Variants in SEC16A observed in about 807,000 individuals in gnomAD.
SEC16A encodes the protein protein transport protein Sec16A.
SEC16A carries 110 observed loss-of-function variants against 221.9 expected under a neutral mutation model. That is an observed-to-expected ratio of 0.50 (90% CI 0.42 to 0.58). The LOEUF (loss-of-function observed/expected upper bound fraction) is 0.58, where lower values mean the gene tolerates loss of function less well. SEC16A is among the 20% of genes least tolerant of loss of function. SEC16A has a pLI of 0.00. For synonymous variants in SEC16A, 1,393 were observed against 1,257.7 expected, an observed-to-expected ratio of 1.11 and a Z score of -2.28; for missense variants, 3,165 against 3,097.8, an observed-to-expected ratio of 1.02 and a Z score of -0.52.
chr9:136,445,193 T>C, intron 29 of SEC16A, 82 bp from the exon 30 acceptor site: 1 of 1,220,842 alleles, frequency 8.2e-7, no homozygotes, highest in Non-Finnish European at 1.2e-6. Flanking sequence ...GTCAGTTCCA[T>C]TTCAAAAGCT....
rs765280202 is a variant in SEC16A, at chr9:136,466,142, A to G, written c.4129-6T>C. ...TGGCTTCTGTAAATCTGACTCTTAG[A>G]AAACAAAGCAAACGGGCAAAATCAA... On this transcript the variant is annotated splice_region_variant and splice_polypyrimidine_tract_variant and intron_variant, in intron 7 of 31. Coordinates refer to ENST00000684901, the MANE Select transcript of SEC16A (RefSeq NM_014866.2). The surrounding 1 kb of genome is among the most constrained non-coding windows in gnomAD (Gnocchi z 5.5). 3 of 1,582,154 alleles carry G rather than the reference A, an allele frequency of 1.9e-6. No homozygotes were observed. Among genetic ancestry groups the G allele is most frequent in the South Asian group, 1.1e-5 (1 of 87,570 alleles).
rs375402830 is a variant in SEC16A at position 136,457,490 on chromosome 9, G to A, written c.5504C>T (p.Thr1835Met). The A allele has an allele frequency of 8.0e-5, 129 of 1,608,996 alleles. 1 individual carries two copies. In the South Asian group the frequency reaches 1.2e-3, roughly 16 times the overall value. Residue 1835 changes from threonine (T) to methionine (M), a missense_variant, in exon 18 of 32, where the codon ACG (threonine) becomes ATG (methionine). Physicochemically the swap from Thr to Met is moderately conservative, Grantham distance 81 (BLOSUM62 -1). Transcript: ENST00000684901. ...CACCGGGGAATACAGGTGCGGCTGC[G>A]TCAGGATGCTCTTCGCGATGGCCTC... ...YCEAIAKSILTQPHLYSPVLI... is the reference protein window; with the variant it reads ...YCEAIAKSILMQPHLYSPVLI...
At chr9:136,478,934 T>G (rs1197990295) in intron 1 of SEC16A, among the ~76,000 whole-genome samples, 104 bp from the exon 2 acceptor site, 1 of 149,298 alleles carries the variant, frequency 6.7e-6, no homozygotes, top group Non-Finnish European at 1.5e-5. Context: ...CACCTCTTCA[T>G]AGGTCTCCGT....
chr9:136,468,084 T>C (rs1290556151), intron 5 of SEC16A, among the ~76,000 whole-genome samples: 1 of 152,192 alleles, frequency 6.6e-6, no homozygotes, highest in African/African-American at 2.4e-5. Context: ...TTTTCATCCG[T>C]TTATGTTTAC....
chr9:136,475,283 G>C lies in SEC16A; in HGVS notation c.2333C>G (p.Pro778Arg). 6.2e-7 allele frequency: 1 copy of C among 1,613,382 alleles called. No individual in the cohort carries two copies. The highest frequency in any genetic ancestry group is 1.1e-5 in the South Asian group (1 of 91,068). Residue 778 changes from proline to arginine, a missense_variant, in exon 3 of 32, where the codon CCG becomes CGG. By Grantham distance (103) the Pro-to-Arg change is moderately radical. Transcript: ENST00000684901. The surrounding 1 kb of genome is among the most constrained non-coding windows in gnomAD (Gnocchi z 5.0). Reference sequence around the variant, plus strand: ...ACCAATGCCACCTCGGCTCTGCACCGGGGCCGCCGAGCTTGGGTTCCGTGA... The same window carrying C: ...ACCAATGCCACCTCGGCTCTGCACCCGGGCCGCCGAGCTTGGGTTCCGTGA... ...QQSRNPSSAA[P>R]VQSRGGIGAS... is the part of the protein sequence containing the mutation.
Position 136,477,672 on chromosome 9 carries a change from T to G in SEC16A, c.-57A>C. The G allele has an allele frequency of 6.7e-7, 1 of 1,492,782 alleles. No individual in the cohort carries two copies. The highest frequency in any genetic ancestry group is 8.9e-7 in the Non-Finnish European group (1 of 1,125,376). The allele number at this position is 1,492,782 out of a possible 1,614,324, so 92.5% of individuals were successfully genotyped here. A position where few individuals can be genotyped will look rare whatever the true frequency, so the allele number is the denominator to read the frequency against. On this transcript the variant is annotated 5_prime_UTR_variant, in exon 3 of 32. Transcript: ENST00000684901. ...ACAGAAGGAAGCAGGATATAGCTGT[T>G]CCTTAATTGGAGCTGGAAAAGAAAA...
Position 136,474,943 on chromosome 9 carries a change from G to C in SEC16A, c.2673C>G (p.Ser891Arg). The change falls in exon 3 of 32, where the codon AGC becomes AGG. Residue 891 changes from serine to arginine, a missense_variant. Ser to Arg is a moderately radical substitution (Grantham distance 110). Around this residue, in one of 3 missense-constraint regions of SEC16A, gnomAD observed 2,030 missense variants for 1,923.1 expected, o/e 1.06. Transcript: ENST00000684901. ...TAGGCAGAGACAAGCTAAGGACAGA[G>C]CTGGTTGGAATCCCAGACAAAGAAG... ...ENTSLSGIPT[S>R]SVLSLSLPSS... The C allele has an allele frequency of 6.2e-7, 1 of 1,613,882 alleles. No homozygotes were observed. Among genetic ancestry groups the C allele is most frequent in the Non-Finnish European group, 8.5e-7 (1 of 1,179,884 alleles).
intron 1 of SEC16A, among the ~76,000 whole-genome samples, chr9:136,479,352 T>A (rs1265881223): frequency 6.6e-6 from 1 of 152,112 alleles, no homozygotes; most frequent in African/African-American, 2.4e-5. Context: ...TGTAGTTTAA[T>A]CCACACATTT....
chr9:136,466,280 C>G lies in SEC16A; in HGVS notation c.4112G>C (p.Ser1371Thr). 1.3e-6 allele frequency: 2 copies of G among 1,578,354 alleles called. No individual in the cohort carries two copies. Among genetic ancestry groups the G allele is most frequent in the Non-Finnish European group, 1.7e-6 (2 of 1,161,950 alleles). ...GCCGCGTACCTGGTGCGAGTGGGAG[C>G]TGAGGCTGCTGCGGCGGCTGGCCAG... ...HSLASRRSSL[S>T]SHSHQSQIYR... The change falls in exon 7 of 32, where the codon AGC becomes ACC. Residue 1371 changes from serine (S) to threonine (T), a missense_variant. Physicochemically the swap from Ser to Thr is moderately conservative, Grantham distance 58 (BLOSUM62 1). Coordinates refer to ENST00000684901, the MANE Select transcript of SEC16A (RefSeq NM_014866.2). This position sits in a 1 kb window ranked among gnomAD's most constrained non-coding sequence, Gnocchi z 5.5.
At chr9:136,471,072 C>T (rs752781028) in intron 4 of SEC16A, among the ~76,000 whole-genome samples, 8 of 152,002 alleles carry the variant, frequency 5.3e-5, no homozygotes, top group Non-Finnish European at 1.2e-4. Context: ...TAAAGGGCTA[C>T]TCAGCTGAAG....
At chr9:136,458,965 G>A (rs887986027) in intron 17 of SEC16A, among the ~76,000 whole-genome samples, 169 bp downstream of exon 17, 7 of 152,064 alleles carry the variant, frequency 4.6e-5, no homozygotes, top group African/African-American at 1.7e-4. Context: ...TCAATTCAAT[G>A]GGATCTTGTT....
rs1469899095 is a variant in SEC16A at position 136,460,024 on chromosome 9, C to G, written c.5073+18G>C. 6.3e-7 allele frequency: 1 copy of G among 1,590,922 alleles called. No individual in the cohort carries two copies. Among genetic ancestry groups the G allele is most frequent in the Non-Finnish European group, 8.6e-7 (1 of 1,167,478 alleles). On this transcript the variant is annotated intron_variant, in intron 14 of 31. Coordinates refer to ENST00000684901, the MANE Select transcript of SEC16A (RefSeq NM_014866.2). ...CAGGCAGTGGAGCCTGTGCAAGCCA[C>G]CAGGCAGTGCCACTCACCGTGGACG...
Position 136,466,358 on chromosome 9 carries a change from C to G in SEC16A, c.4034G>C (p.Arg1345Pro). 1.3e-6 allele frequency: 2 copies of G among 1,589,318 alleles called. No individual in the cohort carries two copies. Among genetic ancestry groups the G allele is most frequent in the Non-Finnish European group, 1.7e-6 (2 of 1,168,172 alleles). Residue 1345 changes from arginine to proline, a missense_variant, in exon 7 of 32, where the codon CGG becomes CCG. This residue lies in a region of SEC16A where 2,030 missense variants were observed against 1,923.1 expected (regional missense o/e 1.06). Transcript: ENST00000684901. The surrounding 1 kb of genome is among the most constrained non-coding windows in gnomAD (Gnocchi z 5.5). ...HRDPYGEEVD[R>P]RSVHSEHSAR... is the part of the protein sequence containing the mutation. ...CGAGTGCTCGCTGTGGACGCTGCGC[C>G]GGTCCACCTCTTCCCCATAAGGGTC...
chr9:136,447,278 C>T lies in SEC16A; in HGVS notation c.6646G>A (p.Ala2216Thr), dbSNP rs535521645. ...GGAATTGGGAGTGGCGCGAGTGGAG[C>T]GACAAAGTCCGCAGGAGCGAGAGCC... is the stretch of plus-strand genomic sequence containing the variant. ...EPALAPADFV[A>T]PLAPLPIPSN... is the part of the protein sequence containing the mutation. Residue 2216 changes from alanine to threonine, a missense_variant, in exon 27 of 32, where the codon GCT becomes ACT. This residue lies in a region of SEC16A where 1,088 missense variants were observed against 1,089.6 expected (regional missense o/e 1.00). Transcript: ENST00000684901. The surrounding 1 kb of genome is among the most constrained non-coding windows in gnomAD (Gnocchi z 5.5). 1.1e-5 allele frequency: 18 copies of T among 1,598,064 alleles called. No homozygotes were observed. The Admixed American group carries it at 1.6e-4, about 14-fold the overall frequency.
rs1446615852 is a variant in SEC16A at position 136,455,799 on chromosome 9, G to A, written c.5665-6C>T. ...TGCCATACTCCAGCCCCCTCCTGAGGGAGAACAAGACCTGCCCTGTGGAAG... is the reference window on the plus strand; with the variant it reads ...TGCCATACTCCAGCCCCCTCCTGAGAGAGAACAAGACCTGCCCTGTGGAAG... On this transcript the variant is annotated splice_region_variant and splice_polypyrimidine_tract_variant and intron_variant, in intron 19 of 31. Coordinates refer to ENST00000684901, the MANE Select transcript of SEC16A (RefSeq NM_014866.2). 7 of 1,591,422 alleles carry A rather than the reference G, an allele frequency of 4.4e-6. No individual in the cohort carries two copies. The highest frequency in any genetic ancestry group is 2.7e-5 in the African/African-American group (2 of 74,338).
Position 136,463,511 on chromosome 9 carries a change from A to G in SEC16A, c.4599T>C (p.Ser1533=). 1.9e-6 allele frequency: 3 copies of G among 1,613,900 alleles called. No homozygotes were observed. Among genetic ancestry groups the G allele is most frequent in the Non-Finnish European group, 1.7e-6 (2 of 1,179,854 alleles). ...CAATAAAATTCCAAAGAAGACTTGCAGACTCTTTGTCAATTAAGTTTTCAT... is the reference window on the plus strand; with the variant it reads ...CAATAAAATTCCAAAGAAGACTTGCGGACTCTTTGTCAATTAAGTTTTCAT... ...LQNENLIDKE[S]ASLLWNFIVL... The change falls in exon 11 of 32, where the codon TCT becomes TCC. Residue 1533 remains serine (S), a synonymous_variant. Transcript: ENST00000684901.
Position 136,459,839 on chromosome 9 carries a change from C to T in SEC16A, c.5109G>A (p.Pro1703=), listed in dbSNP as rs180816729. The T allele has an allele frequency of 1.1e-5, 17 of 1,613,260 alleles. No homozygotes were observed. The Admixed American group carries it at 1.8e-4, about 17-fold the overall frequency. Residue 1703 remains proline (P), a synonymous_variant, in exon 15 of 32, where the codon CCG becomes CCA. Coordinates refer to ENST00000684901, the MANE Select transcript of SEC16A (RefSeq NM_014866.2). This position sits in a 1 kb window ranked among gnomAD's most constrained non-coding sequence, Gnocchi z 6.1. ...AGTTGGACAAGACCATGGCGAGGTG[C>T]GGCCTCCAATCTCCCCATTTCTCGT... ...CGDEKWGDWR[P]HLAMVLSNLN... is the part of the protein sequence containing the mutation.
Position 136,468,434 on chromosome 9 carries a change from G to A in SEC16A, c.3783C>T (p.Ser1261=), listed in dbSNP as rs777000932. 4.3e-6 allele frequency: 7 copies of A among 1,611,670 alleles called. No individual in the cohort carries two copies. In the Admixed American group the frequency reaches 1.2e-4, roughly 27 times the overall value. The change falls in exon 5 of 32, where the codon TCC becomes TCT. Residue 1261 remains serine (S), a synonymous_variant. Transcript: ENST00000684901. ...SQSDYYASYY[S]SQYDYGDPGH... The stretch of plus-strand genomic sequence containing the variant: ...ACATACCTCCATAATCGTACTGGCT[G>A]GAGTAATAGCTTGCATAGTAATCGC...
chr9:136,476,164 A>T lies in SEC16A; in HGVS notation c.1452T>A (p.Ser484Arg). The T allele has an allele frequency of 6.2e-7, 1 of 1,613,798 alleles. No homozygotes were observed. The highest frequency in any genetic ancestry group is 8.5e-7 in the Non-Finnish European group (1 of 1,179,876). ...GAAGGGGCCCATATCTGAACTGGTC[A>T]CTCGGGGAGGAAGGGTCCAAATTGA... ...EPLNLDPSSP[S>R]DQFRYGPLPG... The change falls in exon 3 of 32, where the codon AGT becomes AGA. Residue 484 changes from serine to arginine, a missense_variant. Ser to Arg is a moderately radical substitution (Grantham distance 110, BLOSUM62 -1). This residue lies in a region of SEC16A where 2,030 missense variants were observed against 1,923.1 expected (regional missense o/e 1.06). Transcript: ENST00000684901.
Sources: gnomAD v4.1 joint callset for allele counts (sites outside exome capture counted in the v4.1 genomes callset) on GRCh38, gnomAD v4.1.1 for gene constraint, gnomAD v4.1.1 regional missense constraint, Gnocchi (gnomAD v3.1) non-coding constraint, MANE v1.5 for transcripts, NCBI Gene and HGNC (gene_info 2026-07-23, HGNC 2026-07-21) for gene names.